ERVH48-1: variants seen among roughly 807,000 people sequenced by gnomAD.
The protein encoded by ERVH48-1 is suppressyn.
A neutral mutation model predicts 2.4 loss-of-function variants in ERVH48-1; 4 were observed. The observed-to-expected ratio is 1.68, with a 90% CI of 0.83 to 3.84. ERVH48-1 has a LOEUF of 3.84. Ranked by LOEUF, ERVH48-1 falls within the 30% of genes most tolerant of loss-of-function variation. ERVH48-1 has a pLI of 0.01. For missense variants in ERVH48-1, 97 were observed against 43.4 expected (o/e 2.23, Z -3.47); for synonymous variants, 32 against 15.5 (o/e 2.06, Z -2.49).
At chr21:42,923,699 G>T (rs1412264697) in intron 1 of ERVH48-1, among the ~76,000 whole-genome samples, 1 of 152,188 alleles carries the variant, frequency 6.6e-6, no homozygotes, top group East Asian at 1.9e-4. Flanking sequence ...TCCCAGTGGG[G>T]GTCCTGGCTG....
chr21:42,924,669 A>G (rs1459913185), intron 1 of ERVH48-1, among the ~76,000 whole-genome samples: 1 of 152,150 alleles, frequency 6.6e-6, no homozygotes, highest in African/African-American at 2.4e-5. Flanking sequence ...GCAAAAAAAG[A>G]ACAAGGTGCT....
chr21:42,924,620 G>A (rs2058815659), intron 1 of ERVH48-1, among the ~76,000 whole-genome samples: 1 of 152,106 alleles, frequency 6.6e-6, no homozygotes, highest in Non-Finnish European at 1.5e-5. Context: ...TGGCCCATTT[G>A]GACCCACTGT....
In ERVH48-1 at chr21:42,924,723, A is replaced by T. The variant is rs745309734; in HGVS notation, c.-286+623T>A. On this transcript the variant is annotated intron_variant, in intron 1 of 1. Coordinates refer to ENST00000447535, the MANE Select transcript of ERVH48-1 (RefSeq NM_001308491.2). ...GAGGTCTAAGGTTTGCAGGTTTTTC[A>T]TGAGGCAGCCTAGAGGGCTGTCCTT... Among the ~76,000 whole-genome samples, 3 of 152,278 alleles carry T rather than the reference A, an allele frequency of 2.0e-5. No homozygotes were observed. The South Asian group carries it at 6.2e-4, about 32-fold the overall frequency.
chr21:42,922,800 G>A (rs1331389272), intron 1 of ERVH48-1, among the ~76,000 whole-genome samples: 1 of 151,740 alleles, frequency 6.6e-6, no homozygotes, highest in African/African-American at 2.4e-5. Context: ...GGAGCAGAAG[G>A]GTGGAGGGGG....
At chr21:42,922,220 G>GGT (rs1216968216) in intron 1 of ERVH48-1, among the ~76,000 whole-genome samples, 1 of 151,966 alleles carries the variant, frequency 6.6e-6, no homozygotes, top group Non-Finnish European at 1.5e-5. Flanking sequence ...TGCAACTGAG[G>GGT]GTGTGGAAGT....
intron 1 of ERVH48-1, among the ~76,000 whole-genome samples, chr21:42,919,542 G>T (rs1019162687): frequency 6.6e-6 from 1 of 152,170 alleles, no homozygotes; most frequent in Non-Finnish European, 1.5e-5. Flanking sequence ...GAGACTTCTC[G>T]TACACGACTG....
intron 1 of ERVH48-1, among the ~76,000 whole-genome samples, chr21:42,924,981 T>C (rs2058816601): frequency 6.6e-6 from 1 of 150,954 alleles, no homozygotes; most frequent in East Asian, 1.9e-4. Context: ...AGTCTTGCTC[T>C]GTTACCCAGG....
At chr21:42,920,474 T>G (rs149821572) in intron 1 of ERVH48-1, among the ~76,000 whole-genome samples, 1 of 152,136 alleles carries the variant, frequency 6.6e-6, no homozygotes, top group African/African-American at 2.4e-5. Flanking sequence ...GACAGGGGTG[T>G]TGTTTGCAGT....
intron 1 of ERVH48-1, among the ~76,000 whole-genome samples, chr21:42,923,332 T>C (rs1162239847): frequency 6.6e-6 from 1 of 152,216 alleles, no homozygotes; most frequent in Non-Finnish European, 1.5e-5. Context: ...TGCCTTTCAC[T>C]TTCTTCATCA....
At chr21:42,919,939 A>G (rs1402760966) in intron 1 of ERVH48-1, among the ~76,000 whole-genome samples, 2 of 152,126 alleles carry the variant, frequency 1.3e-5, no homozygotes, top group Non-Finnish European at 2.9e-5. Flanking sequence ...GGTGGGTAGG[A>G]AAAGGCAGTG....
chr21:42,924,064 G>A (rs920272594), intron 1 of ERVH48-1, among the ~76,000 whole-genome samples: 2 of 152,210 alleles, frequency 1.3e-5, no homozygotes, highest in Non-Finnish European at 2.9e-5. Flanking sequence ...AGCAATGCCT[G>A]AATGAGTATA....
intron 1 of ERVH48-1, among the ~76,000 whole-genome samples, chr21:42,924,436 G>T (rs1054450876): frequency 6.6e-6 from 1 of 152,120 alleles, no homozygotes; most frequent in Non-Finnish European, 1.5e-5. Context: ...GGAGAACGGC[G>T]ATCAGGGCGG....
At chr21:42,919,528 A>G (rs555358661) in intron 1 of ERVH48-1, among the ~76,000 whole-genome samples, 2 of 152,306 alleles carry the variant, frequency 1.3e-5, no homozygotes, top group South Asian at 4.1e-4. Flanking sequence ...ATGAGGGCGA[A>G]AGGGAGACTT....
Position 42,919,108 on chromosome 21 carries a change from G to A in ERVH48-1, c.-102C>T. 2.5e-6 allele frequency: 3 copies of A among 1,194,712 alleles called. No homozygotes were observed. The highest frequency in any genetic ancestry group is 3.2e-6 in the Non-Finnish European group (3 of 942,810). 74.0% of individuals were successfully genotyped at this position (1,194,712 alleles called of 1,614,324 possible). The stretch of plus-strand genomic sequence containing the variant: ...AGAAATTGGCCCAGACAAACACTTA[G>A]CTGTTAATGTTTTGGAGGAAGAAGC... On this transcript the variant is annotated 5_prime_UTR_variant, in exon 2 of 2. Transcript: ENST00000447535.
At chr21:42,924,948 A>ACT (rs2058816450) in intron 1 of ERVH48-1, among the ~76,000 whole-genome samples, 1 of 143,026 alleles carries the variant, frequency 7.0e-6, no homozygotes, top group Admixed American at 7.0e-5. Context: ...ACACCTTAGC[A>ACT]TTTTTTTTTT....
rs534592097 is a variant in ERVH48-1 at position 42,925,174 on chromosome 21, G to GATCTCGTGA, written c.-286+163_-286+171dup. Among the ~76,000 whole-genome samples, 43 of 152,278 alleles carry GATCTCGTGA rather than the reference G, an allele frequency of 2.8e-4. 1 individual carries two copies. In the East Asian group the frequency reaches 8.3e-3, roughly 29 times the overall value. On this transcript the variant is annotated intron_variant, in intron 1 of 1. Coordinates refer to ENST00000447535, the MANE Select transcript of ERVH48-1 (RefSeq NM_001308491.2). Reference sequence around the variant, plus strand: ...TTGACCAGGCTGGTCTCGAACTCCTGATCTCGTGAATCCAACGGCCTTGGC... The same window carrying GATCTCGTGA: ...TTGACCAGGCTGGTCTCGAACTCCTGATCTCGTGAATCTCGTGAATCCAACGGCCTTGGC...
At chr21:42,922,284 T>G in intron 1 of ERVH48-1, among the ~76,000 whole-genome samples, 1 of 151,726 alleles carries the variant, frequency 6.6e-6, no homozygotes, top group African/African-American at 2.4e-5. Context: ...GGTTGCATGT[T>G]TTAGGGTGGG....
intron 1 of ERVH48-1, 76 bp from the exon 2 acceptor site, chr21:42,919,367 G>A (rs558282048): frequency 1.1e-4 from 21 of 185,302 alleles, no homozygotes; most frequent in African/African-American, 3.3e-4. Context: ...ACTGCTTCAC[G>A]AGTGAAAGAC....
At chr21:42,922,463 G>A (rs1183837565) in intron 1 of ERVH48-1, among the ~76,000 whole-genome samples, 2 of 151,952 alleles carry the variant, frequency 1.3e-5, no homozygotes, top group African/African-American at 2.4e-5. Flanking sequence ...AAGGAAGGCC[G>A]GGCGCGGTGG....
Sources: allele counts gnomAD v4.1 joint callset (sites outside exome capture counted in the v4.1 genomes callset), GRCh38; gene constraint gnomAD v4.1.1; transcripts MANE v1.5; gene names NCBI Gene and HGNC (gene_info 2026-07-23, HGNC 2026-07-21).